Variants in MALRD1 observed in about 807,000 individuals in gnomAD.
The protein encoded by MALRD1 is MAM and LDL-receptor class A domain-containing protein 1.
A neutral mutation model predicts 242.1 loss-of-function variants in MALRD1; 247 were observed. That is an observed-to-expected ratio of 1.02 (90% CI 0.92 to 1.13). MALRD1 has a LOEUF of 1.13. MALRD1 is among the 50% of genes most tolerant of loss of function. The pLI, the probability that MALRD1 is intolerant of heterozygous loss-of-function variation, is 0.00. For synonymous variants in MALRD1, 995 were observed against 866.6 expected (o/e 1.15, Z -2.60); for missense variants, 2,989 against 2,533.1 (o/e 1.18, Z -3.86).
chr10:19,137,751 A>G (rs1833401212), intron 10 of MALRD1, among the ~76,000 whole-genome samples: 1 of 152,162 alleles, frequency 6.6e-6, no homozygotes, highest in South Asian at 2.1e-4. Context: ...TTACTATTCA[A>G]GCATAGTCAT....
intron 36 of MALRD1, among the ~76,000 whole-genome samples, chr10:19,684,534 C>A (rs1284337492): frequency 6.6e-6 from 1 of 151,980 alleles, no homozygotes; most frequent in African/African-American, 2.4e-5. Context: ...GGCAGATGAA[C>A]CACTTGAGGC....
At chr10:19,383,412 C>G (rs929668515) in intron 26 of MALRD1, among the ~76,000 whole-genome samples, 1 of 152,120 alleles carries the variant, frequency 6.6e-6, no homozygotes, top group Non-Finnish European at 1.5e-5. Flanking sequence ...ATAGAATTCT[C>G]TGGTAAATAC....
chr10:19,335,833 C>T (rs1429544162), intron 24 of MALRD1, among the ~76,000 whole-genome samples: 1 of 151,974 alleles, frequency 6.6e-6, no homozygotes, highest in Non-Finnish European at 1.5e-5. Context: ...ACTTTAAGTT[C>T]TGGGGTATAT....
At chr10:19,643,167 C>T (rs1175561880) in intron 36 of MALRD1, among the ~76,000 whole-genome samples, 3 of 152,080 alleles carry the variant, frequency 2.0e-5, no homozygotes, top group African/African-American at 7.2e-5. Context: ...AGCGGTGGCT[C>T]ACGCCTGTAA....
intron 29 of MALRD1, among the ~76,000 whole-genome samples, chr10:19,453,492 C>G (rs1835439372): frequency 6.6e-6 from 1 of 152,112 alleles, no homozygotes; most frequent in Non-Finnish European, 1.5e-5. Context: ...TGTTATATGG[C>G]TAAACTTATG....
chr10:19,442,356 T>C (rs1302037588), intron 28 of MALRD1, among the ~76,000 whole-genome samples: 1 of 151,158 alleles, frequency 6.6e-6, no homozygotes, highest in Non-Finnish European at 1.5e-5. Context: ...CAGCATCATG[T>C]TGAATAGGAG....
At chr10:19,520,044 G>A (rs370653421) in intron 31 of MALRD1, among the ~76,000 whole-genome samples, 6 of 152,028 alleles carry the variant, frequency 3.9e-5, no homozygotes, top group East Asian at 1.9e-4. Context: ...GTCAATCACC[G>A]TGCACCTGAC....
At chr10:19,176,597 A>C (rs1260918834) in intron 14 of MALRD1, among the ~76,000 whole-genome samples, 1 of 148,772 alleles carries the variant, frequency 6.7e-6, no homozygotes, top group Non-Finnish European at 1.5e-5. Flanking sequence ...GATGGTCTCG[A>C]TCTCCTGACC....
chr10:19,529,549 G>T (rs560195564), intron 31 of MALRD1, among the ~76,000 whole-genome samples: 2 of 147,240 alleles, frequency 1.4e-5, no homozygotes, highest in Non-Finnish European at 3.0e-5. Context: ...AAACAGGAGG[G>T]GGGGGGAGAA....
chr10:19,174,735 A>T (rs1835153981), intron 13 of MALRD1, among the ~76,000 whole-genome samples: 1 of 152,134 alleles, frequency 6.6e-6, no homozygotes, highest in African/African-American at 2.4e-5. Flanking sequence ...GCTTTACTAC[A>T]GTGAGTATGT....
rs771109264 is a variant in MALRD1, at chr10:19,203,870, C to T, written c.2094C>T (p.Asn698=). The part of the protein sequence containing the change: ...HQAPPRDHSL[N]ASQGHFMFIL... ...CTCCACCTCGGGATCATAGTCTCAA[C>T]GCATCTCAAGGTAAGAAGCAAACAG... Residue 698 remains asparagine, a synonymous_variant, in exon 15 of 40, where the codon AAC becomes AAT. Transcript: ENST00000454679. The T allele has an allele frequency of 4.3e-5, 67 of 1,550,300 alleles. No homozygotes were observed. Among genetic ancestry groups the T allele is most frequent in the Middle Eastern group, 1.7e-4 (1 of 6,010 alleles).
At chr10:19,530,423 A>T (rs1434736880) in intron 31 of MALRD1, among the ~76,000 whole-genome samples, 842 of 77,714 alleles carry the variant, frequency 0.011, 84 homozygotes, top group Middle Eastern at 0.052. Flanking sequence ...ATAATAATAA[A>T]TATATAATAT....
At chr10:19,613,595 A>G (rs1456740544) in intron 35 of MALRD1, among the ~76,000 whole-genome samples, 1 of 151,894 alleles carries the variant, frequency 6.6e-6, no homozygotes, top group African/African-American at 2.4e-5. Context: ...GTTTATTACC[A>G]ACAAAAACCT....
intron 27 of MALRD1, chr10:19,389,243 A>C (rs546182096): frequency 3.0e-6 from 2 of 671,240 alleles, no homozygotes; most frequent in African/African-American, 1.8e-5. Context: ...CATACTGTGA[A>C]GCACGTGCTA....
rs775026617 is a variant in MALRD1, at chr10:19,347,959, C to T, written c.4090C>T (p.Pro1364Ser). The T allele has an allele frequency of 9.0e-6, 14 of 1,550,332 alleles. No homozygotes were observed. Among genetic ancestry groups the T allele is most frequent in the Non-Finnish European group, 1.2e-5 (14 of 1,146,812 alleles). Residue 1364 changes from proline (P) to serine (S), a missense_variant, in exon 25 of 40, where the codon CCC becomes TCC. By Grantham distance (74) the Pro-to-Ser change is moderately conservative. Transcript: ENST00000454679. ...TATAAAGAGTTTGTTTCCTCAGCAGCCCATGAGAGCTGCCAGAATTTCAAG... is the reference window on the plus strand; with the variant it reads ...TATAAAGAGTTTGTTTCCTCAGCAGTCCATGAGAGCTGCCAGAATTTCAAG... ...IFIKSLFPQQ[P>S]MRAARISSPV...
At position 19,238,761 on chromosome 10, in the gene MALRD1, T is replaced by A. The variant is rs993510482; in HGVS notation, c.2992-18923T>A. 4.7e-5 allele frequency among the ~76,000 whole-genome samples: 7 copies of A among 150,270 alleles called. No individual in the cohort carries two copies. The East Asian group carries it at 1.4e-3, about 29-fold the overall frequency. On this transcript the variant is annotated intron_variant, in intron 18 of 39. Coordinates refer to ENST00000454679, the MANE Select transcript of MALRD1 (RefSeq NM_001142308.3). ...CTGGGTTATGTGATCGAATGATTGT[T>A]TTTTTTGTTTTTTTTTAAATTTTTT...
chr10:19,599,097 G>A (rs1838236725), intron 34 of MALRD1, among the ~76,000 whole-genome samples: 1 of 152,128 alleles, frequency 6.6e-6, no homozygotes, highest in Admixed American at 6.6e-5. Flanking sequence ...GTCGAAGAGG[G>A]AAATCAATTG....
intron 35 of MALRD1, among the ~76,000 whole-genome samples, chr10:19,609,920 A>T (rs1564482230): frequency 6.6e-6 from 1 of 151,978 alleles, no homozygotes; most frequent in Admixed American, 6.6e-5. Context: ...TTATAAATAT[A>T]ATACTATACA....
At chr10:19,350,340 T>C (rs1844321749) in intron 25 of MALRD1, among the ~76,000 whole-genome samples, 1 of 149,360 alleles carries the variant, frequency 6.7e-6, no homozygotes, top group South Asian at 2.1e-4. Flanking sequence ...GTGTGATCTC[T>C]GCTCACTGCA....
Sources: allele counts gnomAD v4.1 joint callset (sites outside exome capture counted in the v4.1 genomes callset), GRCh38; gene constraint gnomAD v4.1.1; transcripts MANE v1.5; gene names NCBI Gene and HGNC (gene_info 2026-07-23, HGNC 2026-07-21).